The following UBTF variants were observed in gnomAD, a reference collection of about 807,000 sequenced individuals.
UBTF encodes the protein nucleolar transcription factor 1.
UBTF carries 8 observed loss-of-function variants against 112.3 expected under a neutral mutation model. The ratio of observed to expected loss-of-function variants is 0.07; its 90% confidence interval spans 0.04 to 0.13. The LOEUF (loss-of-function observed/expected upper bound fraction) is 0.13, where lower values mean the gene tolerates loss of function less well. Ranked by LOEUF, UBTF falls within the 10% of genes least tolerant of loss-of-function variation. UBTF has a pLI of 1.00. For synonymous variants in UBTF, 417 were observed against 373.1 expected (o/e 1.12, Z -1.36); for missense variants, 457 against 982.1 (o/e 0.47, Z 7.15).
At position 44,219,497 on chromosome 17, in the gene UBTF, C is replaced by T. The variant is rs1246576544; in HGVS notation, c.-120G>A. The T allele has an allele frequency of 6.6e-6, 1 of 152,492 alleles. No homozygotes were observed. Among genetic ancestry groups the T allele is most frequent in the Non-Finnish European group, 1.5e-5 (1 of 68,044 alleles). The allele number at this position is 152,492 out of a possible 1,614,324, so 9.4% of individuals were successfully genotyped here. A position where few individuals can be genotyped will look rare whatever the true frequency, so the allele number is the denominator to read the frequency against. ...CGCTCCAGCGGCTCCCTCCCTGGCT[C>T]TGAGTGGCGGCGCCCTCCCCCGCTC... On this transcript the variant is annotated 5_prime_UTR_variant, in exon 1 of 21. Transcript: ENST00000436088.
chr17:44,209,267 C>G, intron 17 of UBTF, 85 bp downstream of exon 17: 1 of 1,409,602 alleles, frequency 7.1e-7, no homozygotes, highest in Non-Finnish European at 9.5e-7. Flanking sequence ...CCAGCCAGCA[C>G]AAGTGGGTGG....
Position 44,213,433 on chromosome 17 carries a change from G to A in UBTF, c.475-151C>T, listed in dbSNP as rs2144543528. 5.0e-6 allele frequency: 4 copies of A among 797,886 alleles called. No individual in the cohort carries two copies. In the South Asian group the frequency reaches 7.5e-5, roughly 15 times the overall value. The allele number at this position is 797,886 out of a possible 1,614,324, so 49.4% of individuals were successfully genotyped here. A position where few individuals can be genotyped will look rare whatever the true frequency, so the allele number is the denominator to read the frequency against. ...TGGCGCCCTGCCCGCCTCCTGGCGG[G>A]ACTCACCACAGAGCAGACCTGCTGG... is the stretch of plus-strand genomic sequence containing the variant. On this transcript the variant is annotated intron_variant, in intron 5 of 20. Transcript: ENST00000436088.
At chr17:44,216,298 A>G in intron 3 of UBTF, 1 of 615,976 alleles carries the variant, frequency 1.6e-6, no homozygotes, top group Non-Finnish European at 2.9e-6. Flanking sequence ...CAATCTCAGC[A>G]CAGCTCAGGC....
intron 3 of UBTF, 42 bp from the exon 4 acceptor site, chr17:44,216,031 G>T (rs769644976): frequency 6.6e-7 from 1 of 1,511,730 alleles, no homozygotes; most frequent in South Asian, 1.1e-5. Context: ...TTGGGAAAAG[G>T]AAAATGCCAC....
In UBTF at chr17:44,216,652, G is replaced by A. The variant is rs1450437205; in HGVS notation, c.111C>T (p.Asn37=). ...MLTLLECMKN[N]LPSNDSSKFK... is the part of the protein sequence containing the mutation. The stretch of plus-strand genomic sequence containing the variant: ...ACTTGGAGCTGTCATTGGATGGAAG[G>A]TTGTTCTTCATGCATTCCAGCAAAG... The change falls in exon 3 of 21, where the codon AAC becomes AAT. Residue 37 remains asparagine, a synonymous_variant. Coordinates refer to ENST00000436088, the MANE Select transcript of UBTF (RefSeq NM_014233.4). The A allele has an allele frequency of 1.2e-6, 2 of 1,614,066 alleles. No individual in the cohort carries two copies. The highest frequency in any genetic ancestry group is 2.7e-5 in the African/African-American group (2 of 74,924).
Position 44,212,428 on chromosome 17 carries a change from G to A in UBTF, c.687C>T (p.Ser229=), listed in dbSNP as rs1477947516. 3.1e-6 allele frequency: 5 copies of A among 1,612,546 alleles called. No homozygotes were observed. Among genetic ancestry groups the A allele is most frequent in the Non-Finnish European group, 2.5e-6 (3 of 1,179,466 alleles). Reference sequence around the variant, plus strand: ...AGAGCTGAGACCACTGCTTCCCCAGGGAGTCCTTCACCTCCTTCGTAGTGG... The same window carrying A: ...AGAGCTGAGACCACTGCTTCCCCAGAGAGTCCTTCACCTCCTTCGTAGTGG... ...PDATTKEVKD[S]LGKQWSQLSD... is the part of the protein sequence containing the mutation. Residue 229 remains serine, a synonymous_variant, in exon 8 of 21, where the codon TCC becomes TCT. Transcript: ENST00000436088.
intron 15 of UBTF, 132 bp downstream of exon 15, chr17:44,209,992 G>A: frequency 1.0e-6 from 1 of 979,668 alleles, no homozygotes; most frequent in East Asian, 2.4e-5. Context: ...ATGAGAGACA[G>A]AGGTTCAGAG....
intron 7 of UBTF, 28 bp downstream of exon 7, chr17:44,212,791 C>T (rs1158310883): frequency 1.2e-6 from 2 of 1,612,550 alleles, no homozygotes; most frequent in South Asian, 2.2e-5. Flanking sequence ...GTGCATCCTC[C>T]ACCCCCAACC....
intron 5 of UBTF, among the ~76,000 whole-genome samples, chr17:44,214,159 A>G (rs1213804882): frequency 6.6e-6 from 1 of 152,176 alleles, no homozygotes; most frequent in Non-Finnish European, 1.5e-5. Flanking sequence ...TGGCACTGGC[A>G]GGTGCCAGGA....
chr17:44,212,766 C>A, intron 7 of UBTF, 53 bp downstream of exon 7: 2 of 1,605,184 alleles, frequency 1.2e-6, no homozygotes, highest in South Asian at 1.1e-5. Flanking sequence ...GCGCGGCTCC[C>A]CCCTGGCCAC....
chr17:44,210,391 AGCT>A lies in UBTF; in HGVS notation c.1439_1441del (p.Lys480_Leu481delinsMet). On this transcript the variant is annotated inframe_deletion, in exon 14 of 21. Transcript: ENST00000436088. ...CTCAGCTCTTTTGGGGGACTCGGGC[AGCT>A]TGCCCCGTTCCTCGCGCTCCCCGCC... is the stretch of plus-strand genomic sequence containing the variant. 6.2e-7 allele frequency: 1 copy of A among 1,614,160 alleles called. No individual in the cohort carries two copies. The highest frequency in any genetic ancestry group is 8.5e-7 in the Non-Finnish European group (1 of 1,180,018).
At chr17:44,213,866 T>C (rs1190817261) in intron 5 of UBTF, among the ~76,000 whole-genome samples, 1 of 152,088 alleles carries the variant, frequency 6.6e-6, no homozygotes, top group Non-Finnish European at 1.5e-5. Context: ...TCTCACACCA[T>C]CACCTTCTTC....
At chr17:44,219,925 C>T (rs1026586439), upstream of UBTF, among the ~76,000 whole-genome samples, 2 of 151,192 alleles carry the variant, frequency 1.3e-5, no homozygotes, top group Non-Finnish European at 1.5e-5. Context: ...CCTCCCACAG[C>T]CTGCCCGGGC....
chr17:44,215,627 C>T (rs1172853521), intron 5 of UBTF, 27 bp downstream of exon 5: 1 of 1,611,798 alleles, frequency 6.2e-7, no homozygotes, highest in Non-Finnish European at 8.5e-7. Flanking sequence ...CTCTCCCCTC[C>T]TCCCACCTTA....
At position 44,207,880 on chromosome 17, in the gene UBTF, T is replaced by C. The variant is rs2056364088; in HGVS notation, c.1937A>G (p.Lys646Arg). 1 of 1,613,850 alleles carries C rather than the reference T, an allele frequency of 6.2e-7. No individual in the cohort carries two copies. Among genetic ancestry groups the C allele is most frequent in the Non-Finnish European group, 8.5e-7 (1 of 1,180,016 alleles). The change falls in exon 18 of 21, where the codon AAA becomes AGA. Residue 646 changes from lysine to arginine, a missense_variant. Physicochemically the swap from Lys to Arg is conservative, Grantham distance 26. Coordinates refer to ENST00000436088, the MANE Select transcript of UBTF (RefSeq NM_014233.4). ...CAGACTCACATTGGAGATGTACTCTTTATATGCTGCACGGTCCTGGGGAGA... is the reference window on the plus strand; with the variant it reads ...CAGACTCACATTGGAGATGTACTCTCTATATGCTGCACGGTCCTGGGGAGA... Reference protein sequence around the residue: ...SLSPQDRAAYKEYISNKRKSM... With the variant: ...SLSPQDRAAYREYISNKRKSM...
At chr17:44,220,085 A>AG (rs372844914), upstream of UBTF, among the ~76,000 whole-genome samples, 347 of 71,406 alleles carry the variant, frequency 4.9e-3, 1 homozygote, top group South Asian at 0.028. Context: ...CCGCCGGGGA[A>AG]GGGGGGGGGG....
In UBTF at chr17:44,211,458, C is replaced by A; in HGVS notation, c.1048-127G>T. On this transcript the variant is annotated intron_variant, in intron 10 of 20. Transcript: ENST00000436088. This position sits in a 1 kb window ranked among gnomAD's most constrained non-coding sequence, Gnocchi z 4.9. Reference sequence around the variant, plus strand: ...GTGTGGGCTGGACTCCCTGCCTGGACGGGCTCAGTTGCTAAGCCCAGCCCA... The same window carrying A: ...GTGTGGGCTGGACTCCCTGCCTGGAAGGGCTCAGTTGCTAAGCCCAGCCCA... 1 of 1,559,664 alleles carries A rather than the reference C, an allele frequency of 6.4e-7. No homozygotes were observed. Among genetic ancestry groups the A allele is most frequent in the Non-Finnish European group, 8.8e-7 (1 of 1,140,220 alleles).
rs780448631 is a variant in UBTF, at chr17:44,207,313, C to G, written c.2224G>C (p.Asp742His). The stretch of plus-strand genomic sequence containing the variant: ...GAGCTGCTGCCCTCGGACTCATTAT[C>G]TTCATCCTCATCGTCATCCTCGTCG... ...DDDEDDDEDE[D>H]NESEGSSSSS... The change falls in exon 21 of 21, where the codon GAT (aspartate) becomes CAT (histidine). Residue 742 changes from aspartate to histidine, a missense_variant. By Grantham distance (81) the Asp-to-His change is moderately conservative. Transcript: ENST00000436088. The G allele has an allele frequency of 1.9e-6, 3 of 1,612,958 alleles. No homozygotes were observed. In the Admixed American group the frequency reaches 5.0e-5, roughly 27 times the overall value.
Position 44,216,509 on chromosome 17 carries a change from A to G in UBTF, c.234+20T>C. On this transcript the variant is annotated intron_variant, in intron 3 of 20. Coordinates refer to ENST00000436088, the MANE Select transcript of UBTF (RefSeq NM_014233.4). ...TGAGTGGGGGGTATGTGTGTATGTC[A>G]GAAAAGGGGGATCAGTTACCTCATT... 6.2e-7 allele frequency: 1 copy of G among 1,613,598 alleles called. No homozygotes were observed. The highest frequency in any genetic ancestry group is 8.5e-7 in the Non-Finnish European group (1 of 1,179,478).
Sources: gnomAD v4.1 joint callset for allele counts (sites outside exome capture counted in the v4.1 genomes callset) on GRCh38, gnomAD v4.1.1 for gene constraint, Gnocchi (gnomAD v3.1) non-coding constraint, MANE v1.5 for transcripts, NCBI Gene and HGNC (gene_info 2026-07-23, HGNC 2026-07-21) for gene names.